The following SCHIP1 variants were observed in gnomAD, a reference collection of about 807,000 sequenced individuals.
The protein encoded by SCHIP1 is schwannomin-interacting protein 1.
Under a neutral mutation model 29.7 loss-of-function variants are expected in SCHIP1, and 8 were observed. The observed-to-expected ratio is 0.27, with a 90% CI of 0.16 to 0.49. The LOEUF is 0.49. Ranked by LOEUF, SCHIP1 falls within the 20% of genes least tolerant of loss-of-function variation. The probability of loss-of-function intolerance (pLI) is 0.99; values close to 1 mark genes in which losing one functional copy is unlikely to be tolerated. For synonymous variants in SCHIP1, 76 were observed against 94.9 expected, an observed-to-expected ratio of 0.80 and a Z score of 1.16; for missense variants, 193 against 294.6, an observed-to-expected ratio of 0.66 and a Z score of 2.52.
the SCHIP1 span, among the ~76,000 whole-genome samples, chr3:159,417,959 A>T: frequency 1.3e-5 from 2 of 152,136 alleles, no homozygotes; most frequent in East Asian, 1.9e-4. Context: ...TGCCAACAAC[A>T]TTCAGATATA....
At chr3:159,547,293 C>T in the SCHIP1 span, among the ~76,000 whole-genome samples, 2 of 151,924 alleles carry the variant, frequency 1.3e-5, no homozygotes, top group African/African-American at 2.4e-5. Context: ...AATTTAAGTT[C>T]CTTGTAGACT....
At chr3:159,843,896 G>A (rs529755770) in intron 1 of SCHIP1, among the ~76,000 whole-genome samples, 153 of 146,738 alleles carry the variant, frequency 1.0e-3, no homozygotes, top group African/African-American at 3.7e-3. Context: ...ATGACTTTCA[G>A]TCCTACTCCT....
the SCHIP1 span, among the ~76,000 whole-genome samples, chr3:159,537,519 G>A: frequency 0.018 from 2,810 of 152,206 alleles, 100 homozygotes; most frequent in African/African-American, 0.065. Context: ...TCCTTCCAGA[G>A]TTTCTTTCTT....
the SCHIP1 span, among the ~76,000 whole-genome samples, chr3:159,277,896 C>G: frequency 3.3e-5 from 5 of 150,448 alleles, no homozygotes; most frequent in Non-Finnish European, 7.4e-5. Flanking sequence ...GCCTGGACAA[C>G]GAGCAAAACT....
chr3:159,839,954 C>T, exon 1 of SCHIP1: 2 of 1,418,764 alleles, frequency 1.4e-6, no homozygotes, highest in South Asian at 3.1e-5. Context: ...CTAAGCCTGC[C>T]TCACTGGTTT....
the SCHIP1 span, among the ~76,000 whole-genome samples, chr3:159,790,070 G>A: frequency 0.21 from 31,682 of 152,034 alleles, 3,399 homozygotes; most frequent in African/African-American, 0.24. Flanking sequence ...CCTCTACCTG[G>A]ACTTTATACT....
the SCHIP1 span, among the ~76,000 whole-genome samples, chr3:159,561,880 G>T: frequency 8.5e-5 from 13 of 152,074 alleles, no homozygotes; most frequent in African/African-American, 2.9e-4. Flanking sequence ...AGAATAGCAG[G>T]TCCTTTCCCT....
the SCHIP1 span, among the ~76,000 whole-genome samples, chr3:159,810,823 A>G: frequency 6.6e-6 from 1 of 152,338 alleles, no homozygotes; most frequent in East Asian, 1.9e-4. Context: ...GTAGATTCTC[A>G]GGAGAGGAAT....
At chr3:159,292,315 T>C in the SCHIP1 span, among the ~76,000 whole-genome samples, 1 of 152,296 alleles carries the variant, frequency 6.6e-6, no homozygotes, top group East Asian at 1.9e-4. Context: ...TGAGAGCTCA[T>C]TGCAACATTC....
the SCHIP1 span, among the ~76,000 whole-genome samples, chr3:159,376,244 A>G: frequency 6.6e-6 from 1 of 152,186 alleles, no homozygotes; most frequent in Non-Finnish European, 1.5e-5. Context: ...GTATTCTACC[A>G]TCCAGCATAC....
the SCHIP1 span, among the ~76,000 whole-genome samples, chr3:159,517,660 A>C: frequency 7.6e-4 from 116 of 152,034 alleles, no homozygotes; most frequent in African/African-American, 2.7e-3. Context: ...ATTGTTTTTA[A>C]AATCTGTGTG....
the SCHIP1 span, among the ~76,000 whole-genome samples, chr3:159,442,493 A>C: frequency 6.6e-6 from 1 of 152,330 alleles, no homozygotes; most frequent in African/African-American, 2.4e-5. Context: ...AGGCTGGGAA[A>C]GGCATCCAGT....
chr3:159,696,874 A>T, the SCHIP1 span, among the ~76,000 whole-genome samples: 1 of 152,226 alleles, frequency 6.6e-6, no homozygotes, highest in Non-Finnish European at 1.5e-5. Context: ...AGGTAACTGA[A>T]ATAAGTTCAT....
chr3:159,431,764 G>A, the SCHIP1 span, among the ~76,000 whole-genome samples: 2 of 151,094 alleles, frequency 1.3e-5, no homozygotes, highest in Non-Finnish European at 2.9e-5. Flanking sequence ...AGCTGAGATC[G>A]GGCCACTGCA....
At chr3:159,744,968 C>T in the SCHIP1 span, among the ~76,000 whole-genome samples, 134 of 145,406 alleles carry the variant, frequency 9.2e-4, no homozygotes, top group Non-Finnish European at 1.3e-3. Flanking sequence ...GGCGACAGAG[C>T]AAGACTCCGT....
chr3:159,599,887 G>A, the SCHIP1 span, among the ~76,000 whole-genome samples: 5 of 152,162 alleles, frequency 3.3e-5, no homozygotes, highest in Admixed American at 1.3e-4. Context: ...TCCTTAAGCA[G>A]TTCTTGCAGG....
chr3:159,841,133 C>T (rs1206498182), intron 1 of SCHIP1, among the ~76,000 whole-genome samples: 4 of 152,100 alleles, frequency 2.6e-5, no homozygotes. Context: ...TGTGTGAGGT[C>T]GGTTACCTGA....
chr3:159,617,705 A>G, the SCHIP1 span, among the ~76,000 whole-genome samples: 104 of 152,194 alleles, frequency 6.8e-4, no homozygotes, highest in Admixed American at 1.5e-3. Context: ...CCTGAAAACC[A>G]TTTACTACCC....
At chr3:159,838,913 A>G (rs964094422), upstream of SCHIP1, among the ~76,000 whole-genome samples, 5 of 151,648 alleles carry the variant, frequency 3.3e-5, no homozygotes, top group African/African-American at 1.2e-4. Context: ...AAAAAAAAAA[A>G]AAAGCTAAAA....
Sources: gnomAD v4.1 joint callset for allele counts (sites outside exome capture counted in the v4.1 genomes callset) on GRCh38, gnomAD v4.1.1 for gene constraint, MANE v1.5 for transcripts, NCBI Gene and HGNC (gene_info 2026-07-23, HGNC 2026-07-21) for gene names.